The following NRXN3 variants were observed in gnomAD, a reference collection of about 807,000 sequenced individuals.
The protein encoded by NRXN3 is neurexin 3, also known as neurexin III.
In NRXN3, 32 loss-of-function variants were observed where a neutral mutation model predicts 137.6. The observed-to-expected ratio is 0.23, with a 90% CI of 0.18 to 0.31. The LOEUF is 0.31. NRXN3 is among the 10% of genes least tolerant of loss of function. The pLI is 1.00. For missense variants in NRXN3, 1,574 were observed against 2,062.5 expected (o/e 0.76, Z 4.59); for synonymous variants, 798 against 784.5 (o/e 1.02, Z -0.29).
chr14:78,787,011 C>T (rs1370349687), intron 8 of NRXN3, among the ~76,000 whole-genome samples: 2 of 152,106 alleles, frequency 1.3e-5, no homozygotes, highest in Non-Finnish European at 2.9e-5. Flanking sequence ...TTCTATGGTT[C>T]TTTTTCGATA....
rs1567065418 is a variant in NRXN3 at position 78,245,173 on chromosome 14, G to A, written c.709+1371G>A. Among the ~76,000 whole-genome samples, 3 of 152,150 alleles carry A rather than the reference G, an allele frequency of 2.0e-5. No homozygotes were observed. In the South Asian group the frequency reaches 6.2e-4, roughly 32 times the overall value. ...CTGGTTTCTCTTAGACGGGTTTTAT[G>A]TTGCCATCCCCTACTGGTCTCTTCG... On this transcript the variant is annotated intron_variant, in intron 2 of 20. Coordinates refer to ENST00000335750, the MANE Select transcript of NRXN3 (RefSeq NM_001330195.2).
intron 15 of NRXN3, among the ~76,000 whole-genome samples, chr14:79,461,255 A>G (rs1303572353): frequency 6.6e-6 from 1 of 151,972 alleles, no homozygotes; most frequent in African/African-American, 2.4e-5. Context: ...TCTATTCTCA[A>G]CTCCACTACT....
chr14:78,238,152 C>A (rs1057239235), intron 1 of NRXN3, among the ~76,000 whole-genome samples: 1 of 138,932 alleles, frequency 7.2e-6, no homozygotes, highest in African/African-American at 2.7e-5. Flanking sequence ...CCCCCCACCA[C>A]ACCACCCTGC....
intron 16 of NRXN3, among the ~76,000 whole-genome samples, chr14:79,558,881 C>T (rs1275695376): frequency 1.3e-5 from 2 of 152,206 alleles, no homozygotes; most frequent in East Asian, 3.9e-4. Context: ...TTCTGAATAG[C>T]TTGCTGCAGC....
intron 4 of NRXN3, among the ~76,000 whole-genome samples, chr14:78,523,771 C>T (rs1009029723): frequency 7.5e-6 from 1 of 133,850 alleles, no homozygotes; most frequent in Non-Finnish European, 1.5e-5. Flanking sequence ...GAGCTGAGAT[C>T]GCGTCACTGC....
chr14:79,555,210 A>G (rs910990022), intron 16 of NRXN3, among the ~76,000 whole-genome samples: 1 of 152,100 alleles, frequency 6.6e-6, no homozygotes, highest in African/African-American at 2.4e-5. Context: ...AGGTCATTCC[A>G]GTCAAAAGCA....
chr14:78,955,878 G>T (rs1166779806), intron 10 of NRXN3, among the ~76,000 whole-genome samples: 1 of 152,062 alleles, frequency 6.6e-6, no homozygotes, highest in East Asian at 1.9e-4. Flanking sequence ...AGAGGAGGGA[G>T]GAGTGTAGCT....
intron 15 of NRXN3, among the ~76,000 whole-genome samples, chr14:79,001,028 G>A (rs1430944463): frequency 2.0e-5 from 3 of 152,140 alleles, no homozygotes; most frequent in Non-Finnish European, 4.4e-5. Context: ...TCAGTGTGGG[G>A]TAAGATTTTG....
At chr14:78,794,031 C>A (rs1193957715) in intron 8 of NRXN3, among the ~76,000 whole-genome samples, 9 of 152,134 alleles carry the variant, frequency 5.9e-5, no homozygotes, top group Non-Finnish European at 5.9e-5. Context: ...ATAATGTTCT[C>A]ATTTTTCATA....
chr14:78,645,542 A>C, intron 5 of NRXN3, 121 bp downstream of exon 5: 1 of 772,636 alleles, frequency 1.3e-6, no homozygotes, highest in East Asian at 2.8e-5. Context: ...GGAGATGTTA[A>C]CGTCTAACTT....
At chr14:79,147,392 G>A (rs937231256) in intron 15 of NRXN3, among the ~76,000 whole-genome samples, 5 of 152,176 alleles carry the variant, frequency 3.3e-5, no homozygotes, top group Non-Finnish European at 5.9e-5. Context: ...GTCATGTTTC[G>A]CAAGGAGGTG....
At chr14:78,264,784 C>T (rs928561066) in intron 2 of NRXN3, among the ~76,000 whole-genome samples, 3 of 152,168 alleles carry the variant, frequency 2.0e-5, no homozygotes, top group African/African-American at 7.2e-5. Flanking sequence ...TTGATTAATT[C>T]CAAAGCAAAG....
At chr14:79,394,772 C>T (rs1047409793) in intron 15 of NRXN3, among the ~76,000 whole-genome samples, 1 of 152,158 alleles carries the variant, frequency 6.6e-6, no homozygotes, top group Admixed American at 6.6e-5. Context: ...TTTTGAATTA[C>T]TGTCCATTTA....
At chr14:78,697,433 G>A (rs1022993016) in intron 6 of NRXN3, among the ~76,000 whole-genome samples, 5 of 151,960 alleles carry the variant, frequency 3.3e-5, no homozygotes, top group African/African-American at 1.2e-4. Flanking sequence ...GCAACGGAGT[G>A]AGTCATCATA....
chr14:79,105,999 C>T (rs1483157496), intron 15 of NRXN3, among the ~76,000 whole-genome samples: 2 of 152,096 alleles, frequency 1.3e-5, no homozygotes, highest in Non-Finnish European at 2.9e-5. Flanking sequence ...GTCAGTTCTG[C>T]TTTGATCACC....
At chr14:79,792,218 G>C (rs1425645047) in intron 19 of NRXN3, among the ~76,000 whole-genome samples, 1 of 152,116 alleles carries the variant, frequency 6.6e-6, no homozygotes, top group African/African-American at 2.4e-5. Context: ...AAGACTACAA[G>C]CTGGGAGGAA....
rs555740271 is a variant in NRXN3, at chr14:78,716,384, A to G, written c.2044+1245A>G. ...AGGATCAAGTTTTTGCTAAGGGTAT[A>G]GCTCTAGGGCTTTGAGAATGCTGTA... is the stretch of plus-strand genomic sequence containing the variant. On this transcript the variant is annotated intron_variant, in intron 8 of 20. Coordinates refer to ENST00000335750, the MANE Select transcript of NRXN3 (RefSeq NM_001330195.2). Among the ~76,000 whole-genome samples the G allele has an allele frequency of 4.5e-4, 69 of 152,352 alleles. 4 individuals are homozygous for G. The South Asian group carries it at 0.013, about 28-fold the overall frequency.
At chr14:79,414,921 C>G (rs1366228225) in intron 15 of NRXN3, among the ~76,000 whole-genome samples, 1 of 152,080 alleles carries the variant, frequency 6.6e-6, no homozygotes, top group East Asian at 1.9e-4. Flanking sequence ...ATACATTCAA[C>G]TTTTTTAGAT....
At chr14:78,951,610 T>A (rs533014223) in intron 10 of NRXN3, among the ~76,000 whole-genome samples, 50 of 152,240 alleles carry the variant, frequency 3.3e-4, no homozygotes, top group African/African-American at 9.9e-4. Context: ...TAAAATTATC[T>A]CATGTTCCTT....
Sources: allele counts gnomAD v4.1 joint callset (sites outside exome capture counted in the v4.1 genomes callset), GRCh38; gene constraint gnomAD v4.1.1; transcripts MANE v1.5; gene names NCBI Gene and HGNC (gene_info 2026-07-23, HGNC 2026-07-21).